The following TTC28 variants were observed in gnomAD, a reference collection of about 807,000 sequenced individuals.
The protein encoded by TTC28 is tetratricopeptide repeat protein 28.
A neutral mutation model predicts 198.0 loss-of-function variants in TTC28; 61 were observed. The observed-to-expected ratio is 0.31, with a 90% CI of 0.25 to 0.38. The LOEUF (loss-of-function observed/expected upper bound fraction) is 0.38. TTC28 is among the 10% of genes least tolerant of loss of function. TTC28 has a pLI of 1.00. For synonymous variants in TTC28, 1,171 were observed against 1,297.8 expected, an observed-to-expected ratio of 0.90 and a Z score of 2.10; for missense variants, 2,678 against 3,164.0, an observed-to-expected ratio of 0.85 and a Z score of 3.69.
At position 28,185,099 on chromosome 22, in the gene TTC28, G is replaced by T. The variant is rs144540562; in HGVS notation, c.934-21500C>A. Among the ~76,000 whole-genome samples, 79 of 152,300 alleles carry T rather than the reference G, an allele frequency of 5.2e-4. 5 individuals are homozygous for T. In the East Asian group the frequency reaches 0.015, roughly 29 times the overall value. The stretch of plus-strand genomic sequence containing the variant: ...CCGTCCAAAGTAAGAATGTCAGAAT[G>T]AATATGTGGTACTAATGTCTTTCAA... On this transcript the variant is annotated intron_variant, in intron 5 of 22. Transcript: ENST00000397906.
At chr22:28,214,884 A>G (rs886240799) in intron 5 of TTC28, among the ~76,000 whole-genome samples, 1 of 152,234 alleles carries the variant, frequency 6.6e-6, no homozygotes, top group African/African-American at 2.4e-5. Flanking sequence ...AACCAACCCA[A>G]ATGTCCATCA....
In TTC28 at chr22:27,979,466, C is replaced by A. The variant is rs1230087838; in HGVS notation, c.*2755G>T. 7.0e-5 allele frequency: 10 copies of A among 141,930 alleles called. No homozygotes were observed. Among genetic ancestry groups the A allele is most frequent in the African/African-American group, 2.7e-4 (10 of 36,944 alleles). The allele number at this position is 141,930 out of a possible 1,614,324, so 8.8% of individuals were successfully genotyped here. ...GTGCACTCTATCCTGGGTGACAGAG[C>A]GAGACTCTGTCTCAAAAAAAAAAAA... is the stretch of plus-strand genomic sequence containing the variant. On this transcript the variant is annotated 3_prime_UTR_variant, in exon 23 of 23. Transcript: ENST00000397906.
chr22:28,611,508 T>TTTAA lies in TTC28; in HGVS notation c.381+18043_381+18044insTTAA, dbSNP rs1569059009. The stretch of plus-strand genomic sequence containing the variant: ...AGAAATAAAAGCCTTTTTTTTAATT[T>TTTAA]TTTTTTTTTTTTATTATACTCTAAG... On this transcript the variant is annotated intron_variant, in intron 2 of 22. Transcript: ENST00000397906. Among the ~76,000 whole-genome samples, 116 of 89,234 alleles carry TTTAA rather than the reference T, an allele frequency of 1.3e-3. 1 individual carries two copies. The highest frequency in any genetic ancestry group is 4.8e-3 in the African/African-American group (107 of 22,480). The allele number at this position is 89,234 out of a possible 152,430, so 58.5% of individuals were successfully genotyped here. A position where few individuals can be genotyped will look rare whatever the true frequency, so the allele number is the denominator to read the frequency against.
chr22:28,390,605 C>G (rs1016051955), intron 2 of TTC28, among the ~76,000 whole-genome samples: 1 of 152,330 alleles, frequency 6.6e-6, no homozygotes, highest in Non-Finnish European at 1.5e-5. Flanking sequence ...TAATGGCCTT[C>G]TTTGTCTCTT....
chr22:28,422,258 C>T (rs569484895), intron 2 of TTC28, among the ~76,000 whole-genome samples: 5 of 152,194 alleles, frequency 3.3e-5, no homozygotes, highest in Admixed American at 1.3e-4. Flanking sequence ...TGCTAAATGG[C>T]TTTGACAAGG....
chr22:28,622,879 T>C (rs541316857), intron 2 of TTC28, among the ~76,000 whole-genome samples: 2 of 152,060 alleles, frequency 1.3e-5, no homozygotes, highest in Middle Eastern at 3.4e-3. Flanking sequence ...TGGAGTGCAA[T>C]GGCACAATCT....
intron 5 of TTC28, among the ~76,000 whole-genome samples, chr22:28,243,355 TCAAAA>T (rs377564604): frequency 1.0e-4 from 15 of 150,718 alleles, no homozygotes; most frequent in East Asian, 1.9e-4. Flanking sequence ...AGACCCCGTC[TCAAAA>T]CAAAACAAAA....
intron 1 of TTC28, among the ~76,000 whole-genome samples, chr22:28,639,132 T>C (rs1266511975): frequency 6.6e-6 from 1 of 152,220 alleles, no homozygotes; most frequent in African/African-American, 2.4e-5. Context: ...CATAATAGCA[T>C]CATTTGTATT....
At chr22:28,292,620 T>A in intron 5 of TTC28, among the ~76,000 whole-genome samples, 1 of 152,208 alleles carries the variant, frequency 6.6e-6, no homozygotes, top group Non-Finnish European at 1.5e-5. Flanking sequence ...AACTCTCTTA[T>A]CACTCAGCAA....
At chr22:28,628,059 C>A (rs965443428) in intron 2 of TTC28, among the ~76,000 whole-genome samples, 10 of 151,986 alleles carry the variant, frequency 6.6e-5, no homozygotes, top group South Asian at 4.1e-4. Context: ...GTGAGTGCCA[C>A]CATACCTGGC....
chr22:28,017,969 T>G (rs939053623), intron 13 of TTC28, among the ~76,000 whole-genome samples: 31 of 152,222 alleles, frequency 2.0e-4, no homozygotes, highest in African/African-American at 5.1e-4. Flanking sequence ...GACCTTGTCC[T>G]GCTCTCTCCA....
intron 5 of TTC28, among the ~76,000 whole-genome samples, chr22:28,229,839 T>C (rs564190548): frequency 1.5e-4 from 23 of 152,308 alleles, no homozygotes; most frequent in East Asian, 7.7e-4. Context: ...TAATGATGTG[T>C]TCCTTTCTCT....
chr22:28,127,326 G>T (rs1448993308), intron 6 of TTC28, among the ~76,000 whole-genome samples: 1 of 152,170 alleles, frequency 6.6e-6, no homozygotes, highest in Admixed American at 6.5e-5. Context: ...ACTAAGAAGT[G>T]TAAGGCATGA....
intron 2 of TTC28, among the ~76,000 whole-genome samples, chr22:28,598,766 T>C (rs2050586827): frequency 6.6e-6 from 1 of 152,160 alleles, no homozygotes; most frequent in Non-Finnish European, 1.5e-5. Context: ...TCTGCTAATG[T>C]TGAGGTCAAA....
intron 1 of TTC28, among the ~76,000 whole-genome samples, chr22:28,676,599 G>A (rs1232133403): frequency 6.6e-6 from 1 of 151,990 alleles, no homozygotes; most frequent in African/African-American, 2.4e-5. Context: ...AACACACTGA[G>A]AGACTAAAAT....
chr22:28,433,035 A>T (rs1265247168), intron 2 of TTC28, among the ~76,000 whole-genome samples: 1 of 152,162 alleles, frequency 6.6e-6, no homozygotes, highest in Admixed American at 6.5e-5. Flanking sequence ...TACCAGCTAC[A>T]TCAAGTGGTT....
Position 28,107,053 on chromosome 22 carries a change from C to A in TTC28, c.2783+9G>T. On this transcript the variant is annotated intron_variant, in intron 7 of 22. Coordinates refer to ENST00000397906, the MANE Select transcript of TTC28 (RefSeq NM_001145418.2). ...ACTATAAACCACAATTGTCCTTGGT[C>A]ATTTTTACCTGTGTCCATTTCCCAG... 2 of 1,539,082 alleles carry A rather than the reference C, an allele frequency of 1.3e-6. No homozygotes were observed. Among genetic ancestry groups the A allele is most frequent in the South Asian group, 2.4e-5 (2 of 82,566 alleles).
At chr22:28,046,793 T>C (rs182777946) in intron 12 of TTC28, among the ~76,000 whole-genome samples, 1 of 152,174 alleles carries the variant, frequency 6.6e-6, no homozygotes, top group Admixed American at 6.5e-5. Flanking sequence ...CCTGTACACA[T>C]AGGCTATACA....
At chr22:28,311,261 CTTTAT>C (rs2045251517) in intron 2 of TTC28, among the ~76,000 whole-genome samples, 1 of 149,592 alleles carries the variant, frequency 6.7e-6, no homozygotes, top group Non-Finnish European at 1.5e-5. Context: ...TAAATTTTCC[CTTTAT>C]TTTAAAGATG....
Sources: allele counts gnomAD v4.1 joint callset (sites outside exome capture counted in the v4.1 genomes callset), GRCh38; gene constraint gnomAD v4.1.1; transcripts MANE v1.5; gene names NCBI Gene and HGNC (gene_info 2026-07-23, HGNC 2026-07-21).